The following ARPIN variants were observed in gnomAD, a reference collection of about 807,000 sequenced individuals.
ARPIN encodes actin related protein 2/3 complex inhibitor.
ARPIN carries 23 observed loss-of-function variants against 25.9 expected under a neutral mutation model. The observed-to-expected ratio is 0.89, with a 90% confidence interval of 0.64 to 1.26. The LOEUF (loss-of-function observed/expected upper bound fraction) is 1.26. Among genes scored for constraint, ARPIN ranks in the 50% most tolerant of loss-of-function variants. ARPIN has a pLI of 0.00. For synonymous variants in ARPIN, 126 were observed against 131.4 expected (o/e 0.96, Z 0.28); for missense variants, 333 against 312.2 (o/e 1.07, Z -0.50).
At chr15:89,910,711 G>T (rs1175521189) in intron 2 of ARPIN, 33 bp downstream of exon 2, 1 of 1,613,186 alleles carries the variant, frequency 6.2e-7, no homozygotes, top group East Asian at 2.2e-5. Context: ...TGAAGTCAGT[G>T]CCCTCTAGCT....
chr15:89,898,929 G>C lies in ARPIN; in HGVS notation c.*2866C>G, dbSNP rs1896973281. 6.6e-6 allele frequency: 1 copy of C among 152,238 alleles called. No homozygotes were observed. The highest frequency in any genetic ancestry group is 1.5e-5 in the Non-Finnish European group (1 of 68,076). The allele number at this position is 152,238 out of a possible 1,614,324, so 9.4% of individuals were successfully genotyped here. On this transcript the variant is annotated 3_prime_UTR_variant, in exon 6 of 6. Transcript: ENST00000357484. The stretch of plus-strand genomic sequence containing the variant: ...GCCTGAACCAGTCCTGACCAGGGCA[G>C]GAGGTATGGCAAAATCAGGGGCTTT...
chr15:89,909,875 G>A (rs975476498), intron 2 of ARPIN, among the ~76,000 whole-genome samples: 2 of 152,166 alleles, frequency 1.3e-5, no homozygotes, highest in African/African-American at 4.8e-5. Context: ...TGGCTGGGAG[G>A]GCAACTGCAC....
chr15:89,912,552 C>A, intron 1 of ARPIN, 192 bp downstream of exon 1: 1 of 1,349,124 alleles, frequency 7.4e-7, no homozygotes. Flanking sequence ...CGATCTGTGT[C>A]ATGGGGTCGC....
chr15:89,902,568 G>GTGA (rs1897040179), intron 5 of ARPIN, among the ~76,000 whole-genome samples: 1 of 152,142 alleles, frequency 6.6e-6, no homozygotes, highest in Non-Finnish European at 1.5e-5. Context: ...GCCAGGCGTG[G>GTGA]TGATGCATGC....
In ARPIN at chr15:89,901,787, C is replaced by T. The variant is rs536012455; in HGVS notation, c.*8G>A. ...AGGTGCTGGTGCCCCCAGAGGCAGC[C>T]ACGTCCCTCAGTCATCCTAGAGAAA... On this transcript the variant is annotated 3_prime_UTR_variant, in exon 6 of 6. Transcript: ENST00000357484. 4 of 1,614,002 alleles carry T rather than the reference C, an allele frequency of 2.5e-6. No homozygotes were observed. The African/African-American group carries it at 5.3e-5, about 22-fold the overall frequency.
chr15:89,909,403 A>T (rs1448930834), intron 2 of ARPIN, among the ~76,000 whole-genome samples: 1 of 152,158 alleles, frequency 6.6e-6, no homozygotes, highest in Non-Finnish European at 1.5e-5. Flanking sequence ...AAGCTGTAGG[A>T]ATAATATTAA....
chr15:89,908,208 A>T, intron 3 of ARPIN, 72 bp downstream of exon 3: 1 of 1,595,434 alleles, frequency 6.3e-7, no homozygotes, highest in Admixed American at 1.7e-5. Context: ...AGGGGCTAAG[A>T]GGCTCAGAAG....
At position 89,902,198 on chromosome 15, in the gene ARPIN, C is replaced by T. The variant is rs531569074; in HGVS notation, c.673-395G>A. Among the ~76,000 whole-genome samples the T allele has an allele frequency of 4.6e-5, 7 of 152,264 alleles. No individual in the cohort carries two copies. In the South Asian group the frequency reaches 8.3e-4, roughly 18 times the overall value. ...CTGAGGCAGGTGGATCACCCGAGGT[C>T]GGGAATTCGAGACCAACCAGCCCAA... On this transcript the variant is annotated intron_variant, in intron 5 of 5. Coordinates refer to ENST00000357484, the MANE Select transcript of ARPIN (RefSeq NM_182616.4).
rs1257130506 is a variant in ARPIN at position 89,904,124 on chromosome 15, C to T, written c.302-141G>A. On this transcript the variant is annotated intron_variant, in intron 3 of 5. Transcript: ENST00000357484. ...GGACTCAGTGCCCATTCTGCGAGTC[C>T]TCATCAAGGAACTCCACAGCAGAGG... is the stretch of plus-strand genomic sequence containing the variant. 8 of 1,059,640 alleles carry T rather than the reference C, an allele frequency of 7.5e-6. No individual in the cohort carries two copies. In the East Asian group the frequency reaches 2.1e-4, roughly 28 times the overall value. 65.6% of individuals were successfully genotyped at this position (1,059,640 alleles called of 1,614,324 possible). A position where few individuals can be genotyped will look rare whatever the true frequency, so the allele number is the denominator to read the frequency against.
chr15:89,907,523 G>A (rs556339059), intron 3 of ARPIN, among the ~76,000 whole-genome samples: 4 of 152,310 alleles, frequency 2.6e-5, no homozygotes, highest in African/African-American at 9.6e-5. Flanking sequence ...CTTGCCTTCT[G>A]CCATGTGAGG....
chr15:89,908,997 A>C (rs1897177520), intron 2 of ARPIN, among the ~76,000 whole-genome samples: 1 of 152,072 alleles, frequency 6.6e-6, no homozygotes, highest in South Asian at 2.1e-4. Context: ...AACAAAAACA[A>C]AACAAAACAA....
Position 89,901,465 on chromosome 15 carries a change from G to A in ARPIN, c.*330C>T, listed in dbSNP as rs1488625155. ...AGGTGGAGGGGGGTGGATCGCTTGA[G>A]TCCAGGAGTTTGAGATCAGCCTGGG... On this transcript the variant is annotated 3_prime_UTR_variant, in exon 6 of 6. Coordinates refer to ENST00000357484, the MANE Select transcript of ARPIN (RefSeq NM_182616.4). 1 of 344,482 alleles carries A rather than the reference G, an allele frequency of 2.9e-6. No individual in the cohort carries two copies. The highest frequency in any genetic ancestry group is 5.4e-6 in the Non-Finnish European group (1 of 185,538). The allele number at this position is 344,482 out of a possible 1,614,324, so 21.3% of individuals were successfully genotyped here.
rs3803534 is a variant in ARPIN at position 89,898,638 on chromosome 15, A to C, written c.*3157T>G. On this transcript the variant is annotated 3_prime_UTR_variant, in exon 6 of 6. Coordinates refer to ENST00000357484, the MANE Select transcript of ARPIN (RefSeq NM_182616.4). ...ATTAACAACCTGTGGAAGATCCCTC[A>C]GGCTGGTCTGAAAGAATCGCCCCAG... The C allele has an allele frequency of 6.6e-6, 1 of 152,008 alleles. No individual in the cohort carries two copies. Among genetic ancestry groups the C allele is most frequent in the Non-Finnish European group, 1.5e-5 (1 of 68,034 alleles). The allele number at this position is 152,008 out of a possible 1,614,324, so 9.4% of individuals were successfully genotyped here.
intron 3 of ARPIN, among the ~76,000 whole-genome samples, chr15:89,904,255 A>T (rs1897080281): frequency 6.6e-6 from 1 of 152,250 alleles, no homozygotes; most frequent in African/African-American, 2.4e-5. Flanking sequence ...GGATAAAATC[A>T]GAACCTACCT....
At chr15:89,908,562 GC>G in intron 2 of ARPIN, 150 bp from the exon 3 acceptor site, 2 of 1,359,664 alleles carry the variant, frequency 1.5e-6, no homozygotes, top group South Asian at 1.5e-5. Context: ...TGCTCCCTCT[GC>G]CCCCAAATAC....
In ARPIN at chr15:89,900,841, C is replaced by A. The variant is rs1206828025; in HGVS notation, c.*954G>T. The A allele has an allele frequency of 6.6e-6, 1 of 152,204 alleles. No homozygotes were observed. The highest frequency in any genetic ancestry group is 1.9e-4 in the East Asian group (1 of 5,204). 9.4% of individuals were successfully genotyped at this position (152,204 alleles called of 1,614,324 possible). A position where few individuals can be genotyped will look rare whatever the true frequency, so the allele number is the denominator to read the frequency against. On this transcript the variant is annotated 3_prime_UTR_variant, in exon 6 of 6. Coordinates refer to ENST00000357484, the MANE Select transcript of ARPIN (RefSeq NM_182616.4). ...CATTGCTCAGCTGAAAGGCCGTTTA[C>A]ACCTGACAATAACCCAGTAAGGGTG...
At chr15:89,912,322 G>C in intron 1 of ARPIN, 2 of 1,003,186 alleles carry the variant, frequency 2.0e-6, no homozygotes, top group Non-Finnish European at 2.4e-6. Flanking sequence ...GCCCTGCTCT[G>C]GACCAGCCCG....
intron 5 of ARPIN, 137 bp downstream of exon 5, chr15:89,903,079 C>T: frequency 1.9e-6 from 3 of 1,570,838 alleles, no homozygotes; most frequent in South Asian, 1.2e-5. Context: ...CTAACACATT[C>T]CCAGGTGTTT....
intron 5 of ARPIN, chr15:89,902,933 T>C: frequency 7.3e-7 from 1 of 1,365,898 alleles, no homozygotes. Flanking sequence ...TGAGACTTAA[T>C]GACCATGATT....
Sources: gnomAD v4.1 joint callset for allele counts (sites outside exome capture counted in the v4.1 genomes callset) on GRCh38, gnomAD v4.1.1 for gene constraint, MANE v1.5 for transcripts, NCBI Gene and HGNC (gene_info 2026-07-23, HGNC 2026-07-21) for gene names.